ATXN8OS: variants seen among roughly 807,000 people sequenced by gnomAD.
ATXN8OS encodes ATXN8 opposite strand lncRNA.
At chr13:70,113,111 G>A (rs945195654) in intron 1 of ATXN8OS, among the ~76,000 whole-genome samples, 2 of 151,228 alleles carry the variant, frequency 1.3e-5, no homozygotes, top group Non-Finnish European at 3.0e-5. Flanking sequence ...TAGTAGAGAC[G>A]GGGTTTCACC....
At position 70,168,707 on chromosome 13, in the gene ATXN8OS, A is replaced by G. The variant is rs967513621; in HGVS notation, n.574-1046A>G. On this transcript the variant is annotated intron_variant and non_coding_transcript_variant, in intron 4 of 4. Transcript: ENST00000678624. ...CTTTAGTTCTATTCATGTTGCTACA[A>G]ATGACAAACTTTTATTCCTTTTCAT... Among the ~76,000 whole-genome samples the G allele has an allele frequency of 1.4e-4, 22 of 152,012 alleles. 1 individual carries two copies. Among genetic ancestry groups the G allele is most frequent in the Non-Finnish European group, 2.4e-4 (16 of 67,968 alleles).
intron 4 of ATXN8OS, among the ~76,000 whole-genome samples, chr13:70,168,428 T>C (rs1297768463): frequency 6.6e-6 from 1 of 152,024 alleles, no homozygotes; most frequent in African/African-American, 2.4e-5. Context: ...CTGACTATAG[T>C]TATCCTACTC....
chr13:70,135,312 A>C (rs1028583177), intron 3 of ATXN8OS, among the ~76,000 whole-genome samples: 2 of 151,916 alleles, frequency 1.3e-5, no homozygotes, highest in Non-Finnish European at 2.9e-5. Context: ...CACTTCTTTT[A>C]TAAGCTATTA....
chr13:70,135,920 A>G (rs1774635290), intron 3 of ATXN8OS, among the ~76,000 whole-genome samples: 1 of 152,232 alleles, frequency 6.6e-6, no homozygotes, highest in Non-Finnish European at 1.5e-5. Flanking sequence ...AAACTTTTAC[A>G]CAAATTAAAT....
chr13:70,123,741 A>G (rs1032211629), intron 2 of ATXN8OS, among the ~76,000 whole-genome samples: 1 of 152,146 alleles, frequency 6.6e-6, no homozygotes, highest in Non-Finnish European at 1.5e-5. Context: ...GGAAGAAAGG[A>G]GTTATTTGTA....
intron 3 of ATXN8OS, among the ~76,000 whole-genome samples, chr13:70,135,163 T>C (rs987445566): frequency 2.6e-5 from 4 of 152,214 alleles, no homozygotes; most frequent in African/African-American, 9.6e-5. Flanking sequence ...TATTATCATT[T>C]TGAGTATTCC....
intron 4 of ATXN8OS, among the ~76,000 whole-genome samples, chr13:70,164,476 TA>T (rs1277245457): frequency 6.6e-6 from 1 of 151,864 alleles, no homozygotes; most frequent in Non-Finnish European, 1.5e-5. Flanking sequence ...TTCTGAAAGT[TA>T]AAAAATTAGG....
At chr13:70,116,705 C>G (rs910139247) in intron 2 of ATXN8OS, among the ~76,000 whole-genome samples, 2 of 152,070 alleles carry the variant, frequency 1.3e-5, no homozygotes, top group Admixed American at 1.3e-4. Context: ...TAAGATCACT[C>G]TGGCAGATGT....
At chr13:70,131,404 T>C (rs1244934150) in intron 3 of ATXN8OS, 1 of 398,404 alleles carries the variant, frequency 2.5e-6, no homozygotes, top group East Asian at 3.6e-5. Context: ...GTGACACGTA[T>C]CTGTCTCAGT....
chr13:70,133,679 C>T (rs1012165867), intron 3 of ATXN8OS, among the ~76,000 whole-genome samples: 3 of 152,092 alleles, frequency 2.0e-5, no homozygotes, highest in African/African-American at 4.8e-5. Flanking sequence ...AAAATACAGA[C>T]ATAGAAAGGC....
chr13:70,142,847 G>A (rs1050081049), intron 3 of ATXN8OS, among the ~76,000 whole-genome samples: 12 of 152,206 alleles, frequency 7.9e-5, no homozygotes, highest in African/African-American at 2.9e-4. Context: ...CCCGAGGCGG[G>A]AGGATCACCT....
exon 1 of ATXN8OS, chr13:70,107,870 A>G: frequency 1.8e-6 from 1 of 566,606 alleles, no homozygotes; most frequent in South Asian, 2.9e-5. Context: ...CGAAGGCTGG[A>G]GCGCAGACGG....
At chr13:70,164,049 T>TTTATTA (rs750052822) in intron 4 of ATXN8OS, among the ~76,000 whole-genome samples, 183 of 140,498 alleles carry the variant, frequency 1.3e-3, no homozygotes, top group East Asian at 3.3e-3. Flanking sequence ...GCTGGAAGTT[T>TTTATTA]TTATTCTTAT....
At chr13:70,169,935 G>A (rs1889125496) in exon 5 of ATXN8OS, among the ~76,000 whole-genome samples, 1 of 152,094 alleles carries the variant, frequency 6.6e-6, no homozygotes, top group Admixed American at 6.6e-5. Context: ...TTGCGAGCCA[G>A]CTTCTTCTGC....
chr13:70,149,345 T>C (rs775320134), intron 4 of ATXN8OS, among the ~76,000 whole-genome samples: 1 of 152,148 alleles, frequency 6.6e-6, no homozygotes, highest in Non-Finnish European at 1.5e-5. Flanking sequence ...TTGCATTTTA[T>C]AGGAAAACAT....
At chr13:70,170,718 T>A (rs550947511) in exon 5 of ATXN8OS, among the ~76,000 whole-genome samples, 1 of 152,142 alleles carries the variant, frequency 6.6e-6, no homozygotes, top group Admixed American at 6.6e-5. Context: ...ATAAAATGAA[T>A]ACAATACAGT....
intron 4 of ATXN8OS, among the ~76,000 whole-genome samples, chr13:70,159,737 T>C (rs1358563646): frequency 6.6e-6 from 1 of 152,210 alleles, no homozygotes; most frequent in African/African-American, 2.4e-5. Flanking sequence ...AACTAACCTG[T>C]TCTTCTTTCC....
At chr13:70,123,888 A>G (rs1008191873) in intron 2 of ATXN8OS, among the ~76,000 whole-genome samples, 3 of 152,122 alleles carry the variant, frequency 2.0e-5, no homozygotes, top group Non-Finnish European at 4.4e-5. Context: ...TGTAATTTAC[A>G]GTTCAATCGC....
At chr13:70,136,246 T>C (rs1210525902) in intron 3 of ATXN8OS, among the ~76,000 whole-genome samples, 1 of 152,206 alleles carries the variant, frequency 6.6e-6, no homozygotes, top group Non-Finnish European at 1.5e-5. Context: ...TTGGTTTATG[T>C]ACTAATTTAG....
Sources: allele counts gnomAD v4.1 joint callset (sites outside exome capture counted in the v4.1 genomes callset), GRCh38; gene constraint gnomAD v4.1.1; transcripts MANE v1.5; gene names NCBI Gene and HGNC (gene_info 2026-07-23, HGNC 2026-07-21).